Variants in TTC3 observed in about 807,000 individuals in gnomAD.
The protein encoded by TTC3 is tetratricopeptide repeat domain 3, also known as E3 ubiquitin-protein ligase TTC3.
Under a neutral mutation model 249.6 loss-of-function variants are expected in TTC3, and 180 were observed. That is an observed-to-expected ratio of 0.72 (90% CI 0.64 to 0.82). The LOEUF (loss-of-function observed/expected upper bound fraction) is 0.82, where lower values mean the gene tolerates loss of function less well. TTC3 is among the 40% of genes least tolerant of loss of function. TTC3 has a pLI of 0.00. For missense variants in TTC3, 2,061 were observed against 2,398.4 expected (o/e 0.86, Z 2.94); for synonymous variants, 717 against 805.0 (o/e 0.89, Z 1.85).
chr21:37,117,835 C>CAAAAAAA (rs60664616), intron 11 of TTC3, among the ~76,000 whole-genome samples: 26 of 72,544 alleles, frequency 3.6e-4, no homozygotes, highest in East Asian at 1.4e-3. Context: ...TGCGCCACTT[C>CAAAAAAA]AAAAAAAAAA....
At chr21:37,094,058 C>G (rs753225300) in exon 8 of TTC3, 1 of 1,607,316 alleles carries the variant, frequency 6.2e-7, no homozygotes, top group Non-Finnish European at 8.5e-7. Flanking sequence ...GCTTGAAGAA[C>G]TTAAAACTCA....
chr21:37,153,011 A>C (rs2079627402), exon 27 of TTC3: 1 of 1,613,914 alleles, frequency 6.2e-7, no homozygotes, highest in African/African-American at 1.3e-5. Flanking sequence ...CAGTGTATAA[A>C]GCAGTATGCT....
chr21:37,129,064 G>A lies in TTC3; in HGVS notation c.1358+1G>A, dbSNP rs2077263283. On this transcript the variant is annotated splice_donor_variant, in intron 16 of 45. Transcript: ENST00000355666. LOFTEE classifies it high-confidence loss of function. ...GAAACAATGAATCAGAAAAGTTCAG[G>A]TATGTTTTTTCTCTAAGGTATGTTT... 4 of 1,583,310 alleles carry A rather than the reference G, an allele frequency of 2.5e-6. No individual in the cohort carries two copies. The highest frequency in any genetic ancestry group is 3.4e-6 in the Non-Finnish European group (4 of 1,165,594).
chr21:37,122,077 C>T (rs2076629094), intron 12 of TTC3, 98 bp downstream of exon 12: 4 of 1,126,808 alleles, frequency 3.5e-6, no homozygotes, highest in Non-Finnish European at 4.9e-6. Context: ...AATCAATCCT[C>T]AGATGATTTA....
intron 35 of TTC3, 150 bp downstream of exon 35, chr21:37,172,894 T>C (rs2081932878): frequency 2.0e-6 from 2 of 1,020,584 alleles, no homozygotes; most frequent in Middle Eastern, 2.1e-4. Context: ...GATTTCTTCA[T>C]GACATATTAA....
chr21:37,074,019 A>C (rs8128474), intron 1 of TTC3, among the ~76,000 whole-genome samples: 1 of 150,898 alleles, frequency 6.6e-6, no homozygotes, highest in African/African-American at 2.5e-5. Context: ...TCGAGTGGGT[A>C]TCTCTTGTGT....
intron 11 of TTC3, among the ~76,000 whole-genome samples, chr21:37,113,145 CCT>C (rs1263293515): frequency 1.3e-5 from 2 of 152,132 alleles, no homozygotes; most frequent in Non-Finnish European, 2.9e-5. Flanking sequence ...ACAGGGATGC[CCT>C]CTCTCACCAC....
rs142502569 is a variant in TTC3 at position 37,191,278 on chromosome 21, G to A, written c.5025-56G>A. The A allele has an allele frequency of 1.8e-4, 214 of 1,219,392 alleles. No homozygotes were observed. The African/African-American group carries it at 1.8e-3, about 11-fold the overall frequency. 75.5% of individuals were successfully genotyped at this position (1,219,392 alleles called of 1,614,324 possible). On this transcript the variant is annotated intron_variant, in intron 39 of 45. Transcript: ENST00000355666. The stretch of plus-strand genomic sequence containing the variant: ...CTCATGTTTAGATGTTTATTTGACC[G>A]TAAGTGCTTTTAATTTTTAAAATTT...
intron 5 of TTC3, among the ~76,000 whole-genome samples, chr21:37,089,658 C>T (rs2072986171): frequency 1.3e-5 from 2 of 152,064 alleles, no homozygotes; most frequent in Non-Finnish European, 2.9e-5. Context: ...GGACTGTAGG[C>T]GCCTGCCACC....
intron 10 of TTC3, among the ~76,000 whole-genome samples, chr21:37,100,197 C>G (rs181447945): frequency 8.5e-5 from 13 of 152,186 alleles, no homozygotes; most frequent in Admixed American, 8.5e-4. Context: ...ACAAAAAGAG[C>G]TGAAGTATAT....
At chr21:37,142,900 A>G (rs532500319) in intron 20 of TTC3, among the ~76,000 whole-genome samples, 10 of 152,358 alleles carry the variant, frequency 6.6e-5, no homozygotes, top group Non-Finnish European at 1.2e-4. Context: ...AAACAGAGAT[A>G]TAGACCAATG....
rs1000982459 is a variant in TTC3 at position 37,107,577 on chromosome 21, C to A, written c.846-815C>A. 2.0e-5 allele frequency among the ~76,000 whole-genome samples: 3 copies of A among 152,252 alleles called. No individual in the cohort carries two copies. The East Asian group carries it at 5.8e-4, about 29-fold the overall frequency. ...AGAACAGGTAGAACAGAATTATTTA[C>A]ATTTTACAGATGAGAAAAATGGGCC... On this transcript the variant is annotated intron_variant, in intron 10 of 45. Transcript: ENST00000355666.
At chr21:37,180,522 A>G (rs2082656479) in intron 35 of TTC3, among the ~76,000 whole-genome samples, 1 of 147,488 alleles carries the variant, frequency 6.8e-6, no homozygotes, top group Non-Finnish European at 1.5e-5. Flanking sequence ...AAAAAACCAA[A>G]CACTGCATAT....
intron 10 of TTC3, among the ~76,000 whole-genome samples, chr21:37,106,697 CA>C (rs1047132735): frequency 6.6e-6 from 1 of 152,102 alleles, no homozygotes; most frequent in Non-Finnish European, 1.5e-5. Flanking sequence ...CCATCCTGGG[CA>C]ACATAGTGGG....
intron 1 of TTC3, among the ~76,000 whole-genome samples, chr21:37,073,842 T>A (rs1287665454): frequency 6.6e-6 from 1 of 152,170 alleles, no homozygotes; most frequent in Non-Finnish European, 1.5e-5. Context: ...CCCCTGTCTG[T>A]GGGCTGCGCG....
intron 1 of TTC3, among the ~76,000 whole-genome samples, chr21:37,075,611 A>T (rs2070740837): frequency 6.6e-6 from 1 of 152,212 alleles, no homozygotes; most frequent in Non-Finnish European, 1.5e-5. Flanking sequence ...TTTACTGACC[A>T]GCTTCCTTAT....
chr21:37,189,945 T>G, intron 39 of TTC3, among the ~76,000 whole-genome samples: 1 of 151,970 alleles, frequency 6.6e-6, no homozygotes, highest in East Asian at 1.9e-4. Context: ...TACTTAGCAC[T>G]TCTCTATGTG....
At chr21:37,155,761 C>A (rs1378987905) in intron 27 of TTC3, among the ~76,000 whole-genome samples, 2 of 152,148 alleles carry the variant, frequency 1.3e-5, no homozygotes, top group Non-Finnish European at 2.9e-5. Context: ...TTGTAGTCAC[C>A]TGTTTTCTAA....
chr21:37,123,409 C>A (rs1042921684), intron 13 of TTC3, among the ~76,000 whole-genome samples: 8 of 152,166 alleles, frequency 5.3e-5, no homozygotes, highest in African/African-American at 1.9e-4. Context: ...ATGGCAAAAA[C>A]CACAATTACT....
Sources: gnomAD v4.1 joint callset for allele counts (sites outside exome capture counted in the v4.1 genomes callset) on GRCh38, gnomAD v4.1.1 for gene constraint, MANE v1.5 for transcripts, NCBI Gene and HGNC (gene_info 2026-07-23, HGNC 2026-07-21) for gene names.